PIKFYVE: variants seen among roughly 807,000 people sequenced by gnomAD.
PIKFYVE encodes phosphoinositide kinase, FYVE-type zinc finger containing.
PIKFYVE carries 122 observed loss-of-function variants against 257.9 expected under a neutral mutation model. That is an observed-to-expected ratio of 0.47 (90% CI 0.41 to 0.55). PIKFYVE has a LOEUF of 0.55. Ranked by LOEUF, PIKFYVE falls within the 20% of genes least tolerant of loss-of-function variation. The pLI, the probability that PIKFYVE is intolerant of heterozygous loss-of-function variation, is 0.00. For missense variants in PIKFYVE, 2,160 were observed against 2,536.6 expected (o/e 0.85, Z 3.19); for synonymous variants, 892 against 868.9 (o/e 1.03, Z -0.47).
chr2:208,352,627 A>G, intron 38 of PIKFYVE, 27 bp from the exon 39 acceptor site: 1 of 1,610,228 alleles, frequency 6.2e-7, no homozygotes, highest in Admixed American at 1.7e-5. Context: ...TTTTGATAAG[A>G]ATTTATTTTG....
At chr2:208,290,417 C>A (rs942159215) in intron 7 of PIKFYVE, among the ~76,000 whole-genome samples, 1 of 152,144 alleles carries the variant, frequency 6.6e-6, no homozygotes, top group Non-Finnish European at 1.5e-5. Context: ...TACTAATACG[C>A]ATTTAAGTTT....
rs937301043 is a variant in PIKFYVE at position 208,285,763 on chromosome 2, C to T, written c.651C>T (p.Ala217=). ...CTTGCACATATTGTAGAAAAATAGC[C>T]TTAAGTTATGCTCATTCCACAGACA... is the stretch of plus-strand genomic sequence containing the variant. ...LRACTYCRKI[A]LSYAHSTDSN... is the part of the protein sequence containing the mutation. The change falls in exon 6 of 42, where the codon GCC becomes GCT. Residue 217 remains alanine, a synonymous_variant. Coordinates refer to ENST00000264380, the MANE Select transcript of PIKFYVE (RefSeq NM_015040.4). 6.2e-7 allele frequency: 1 copy of T among 1,613,796 alleles called. No individual in the cohort carries two copies. The highest frequency in any genetic ancestry group is 2.2e-5 in the East Asian group (1 of 44,870).
intron 2 of PIKFYVE, 64 bp downstream of exon 2, chr2:208,271,755 C>A: frequency 6.7e-7 from 1 of 1,487,210 alleles, no homozygotes; most frequent in Non-Finnish European, 9.3e-7. Flanking sequence ...TCCTTTGTCT[C>A]CAGTGGCTCA....
chr2:208,273,534 A>C, intron 2 of PIKFYVE, 50 bp from the exon 3 acceptor site: 1 of 1,611,174 alleles, frequency 6.2e-7, no homozygotes, highest in Non-Finnish European at 8.5e-7. Context: ...CTTCCTTCTC[A>C]TTGCTGAACT....
Position 208,288,764 on chromosome 2 carries a change from C to A in PIKFYVE, c.857C>A (p.Ser286Ter), listed in dbSNP as rs1416750742. 7 of 1,613,922 alleles carry A rather than the reference C, an allele frequency of 4.3e-6. No individual in the cohort carries two copies. The highest frequency in any genetic ancestry group is 5.9e-6 in the Non-Finnish European group (7 of 1,179,966). Residue 286 changes from serine (S) to a stop codon, truncating the protein, a stop_gained, in exon 7 of 42, where the codon TCA becomes TAA. Transcript: ENST00000264380. LOFTEE classifies it high-confidence loss of function. Reference protein sequence around the residue: ...IHPDSSNTPLSTRLVSVQEDA... With the variant: ...IHPDSSNTPL Reference sequence around the variant, plus strand: ...CCAGATTCCTCAAATACTCCTCTTTCAACAAGACTTGTATCTGTGCAAGAG... The same window carrying A: ...CCAGATTCCTCAAATACTCCTCTTTAAACAAGACTTGTATCTGTGCAAGAG...
intron 14 of PIKFYVE, 101 bp from the exon 15 acceptor site, chr2:208,315,092 T>A: frequency 9.3e-7 from 1 of 1,076,214 alleles, no homozygotes; most frequent in South Asian, 1.3e-5. Flanking sequence ...TGAGCCGTAA[T>A]TGAAATGTTT....
intron 5 of PIKFYVE, 59 bp downstream of exon 5, chr2:208,277,767 T>C (rs1013144609): frequency 6.4e-6 from 10 of 1,564,888 alleles, no homozygotes; most frequent in African/African-American, 2.7e-5. Context: ...AAGACACTTA[T>C]AATACAGGAT....
intron 2 of PIKFYVE, among the ~76,000 whole-genome samples, chr2:208,272,654 T>C (rs1216941823): frequency 6.6e-6 from 1 of 152,190 alleles, no homozygotes; most frequent in African/African-American, 2.4e-5. Flanking sequence ...AAAGTAATTC[T>C]TGTTGTTGTA....
intron 36 of PIKFYVE, among the ~76,000 whole-genome samples, 193 bp from the exon 37 acceptor site, chr2:208,350,578 G>A (rs1189108563): frequency 6.6e-6 from 1 of 151,830 alleles, no homozygotes; most frequent in Non-Finnish European, 1.5e-5. Flanking sequence ...ATGGTCATAC[G>A]ATGTTCTTTA....
At position 208,333,507 on chromosome 2, in the gene PIKFYVE, G is replaced by C. The variant is rs764352885; in HGVS notation, c.4142+14G>C. The C allele has an allele frequency of 6.2e-7, 1 of 1,608,764 alleles. No individual in the cohort carries two copies. Among genetic ancestry groups the C allele is most frequent in the Non-Finnish European group, 8.5e-7 (1 of 1,175,942 alleles). The stretch of plus-strand genomic sequence containing the variant: ...GGCGTCTTTCAGGTAAGAAATCCTA[G>C]GAATCTTGTGCATGATCTCAGATCT... On this transcript the variant is annotated intron_variant, in intron 24 of 41. Transcript: ENST00000264380.
In PIKFYVE at chr2:208,295,443, A is replaced by G. The variant is rs577807641; in HGVS notation, c.912-3198A>G. On this transcript the variant is annotated intron_variant, in intron 7 of 41. Coordinates refer to ENST00000264380, the MANE Select transcript of PIKFYVE (RefSeq NM_015040.4). Reference sequence around the variant, plus strand: ...TTTTTTTGTACTGATTTTCCCCCCAATCTGTGATGCAGTTCAGAATCATAT... The same window carrying G: ...TTTTTTTGTACTGATTTTCCCCCCAGTCTGTGATGCAGTTCAGAATCATAT... 6.6e-5 allele frequency among the ~76,000 whole-genome samples: 10 copies of G among 152,194 alleles called. No individual in the cohort carries two copies. The East Asian group carries it at 1.9e-3, about 29-fold the overall frequency.
intron 7 of PIKFYVE, among the ~76,000 whole-genome samples, chr2:208,298,422 T>C (rs542430725): frequency 5.4e-5 from 8 of 149,404 alleles, no homozygotes; most frequent in African/African-American, 9.7e-5. Flanking sequence ...TTGCAAAATA[T>C]AGACTTACAT....
intron 7 of PIKFYVE, among the ~76,000 whole-genome samples, chr2:208,289,446 T>A (rs1392951775): frequency 6.6e-6 from 1 of 152,170 alleles, no homozygotes; most frequent in Non-Finnish European, 1.5e-5. Flanking sequence ...TATTATTATT[T>A]TTGAGACGGA....
intron 20 of PIKFYVE, among the ~76,000 whole-genome samples, chr2:208,326,773 A>G (rs1696973338): frequency 6.6e-6 from 1 of 152,194 alleles, no homozygotes; most frequent in Non-Finnish European, 1.5e-5. Flanking sequence ...GGAGTGAGAG[A>G]TGGAAGCTTA....
chr2:208,298,478 A>G (rs1425852266), intron 7 of PIKFYVE, among the ~76,000 whole-genome samples, 163 bp from the exon 8 acceptor site: 17 of 152,220 alleles, frequency 1.1e-4, no homozygotes, highest in South Asian at 2.1e-4. Flanking sequence ...TCCTTTACCA[A>G]ATTTCTCCCA....
In PIKFYVE at chr2:208,315,232, G is replaced by A; in HGVS notation, c.1866G>A (p.Gln622=). The A allele has an allele frequency of 3.7e-6, 6 of 1,614,102 alleles. No homozygotes were observed. The highest frequency in any genetic ancestry group is 5.1e-6 in the Non-Finnish European group (6 of 1,179,992). The change falls in exon 15 of 42, where the codon CAG becomes CAA. Residue 622 remains glutamine, a synonymous_variant. Coordinates refer to ENST00000264380, the MANE Select transcript of PIKFYVE (RefSeq NM_015040.4). The stretch of plus-strand genomic sequence containing the variant: ...ACCACATGATGGCACTACTCCAGCA[G>A]TTGCTCCATAGTGACTCACTGTCAT... ...NHNHMMALLQ[Q]LLHSDSLSSS...
chr2:208,320,350 T>C lies in PIKFYVE; in HGVS notation c.2181T>C (p.Ile727=), dbSNP rs1470544265. ...EETKFTCIDP[I]VLQEREFLKN... ...CTAAGTTTACTTGCATTGATCCTATTGTGCTTCAGGTAAGAATTTACTACT... is the reference window on the plus strand; with the variant it reads ...CTAAGTTTACTTGCATTGATCCTATCGTGCTTCAGGTAAGAATTTACTACT... The change falls in exon 17 of 42, where the codon ATT becomes ATC. Residue 727 remains isoleucine, a synonymous_variant. Coordinates refer to ENST00000264380, the MANE Select transcript of PIKFYVE (RefSeq NM_015040.4). 1.9e-6 allele frequency: 3 copies of C among 1,612,098 alleles called. No individual in the cohort carries two copies. The highest frequency in any genetic ancestry group is 2.2e-5 in the East Asian group (1 of 44,680).
chr2:208,315,088 G>A (rs1246619228), intron 14 of PIKFYVE, 105 bp from the exon 15 acceptor site: 41 of 1,032,318 alleles, frequency 4.0e-5, no homozygotes, highest in Admixed American at 6.0e-5. Context: ...TCTGTGAGCC[G>A]TAATTGAAAT....
At chr2:208,273,369 G>A (rs1237990779) in intron 2 of PIKFYVE, among the ~76,000 whole-genome samples, 1 of 152,146 alleles carries the variant, frequency 6.6e-6, no homozygotes, top group East Asian at 1.9e-4. Flanking sequence ...AGGCTGAGGT[G>A]GGAGGATTGC....
Sources: gnomAD v4.1 joint callset for allele counts (sites outside exome capture counted in the v4.1 genomes callset) on GRCh38, gnomAD v4.1.1 for gene constraint, MANE v1.5 for transcripts, NCBI Gene and HGNC (gene_info 2026-07-23, HGNC 2026-07-21) for gene names.